PACRG: variants seen among roughly 807,000 people sequenced by gnomAD.
The protein encoded by PACRG is parkin coregulated.
PACRG carries 29 observed loss-of-function variants against 29.7 expected under a neutral mutation model. The observed-to-expected ratio is 0.98, with a 90% CI of 0.73 to 1.33. PACRG has a LOEUF of 1.33. Ranked by LOEUF, PACRG falls within the 40% of genes most tolerant of loss-of-function variation. The pLI is 0.00. For missense variants in PACRG, 279 were observed against 316.2 expected, an observed-to-expected ratio of 0.88 and a Z score of 0.89; for synonymous variants, 116 against 118.7, an observed-to-expected ratio of 0.98 and a Z score of 0.15.
chr6:162,875,790 G>T (rs1316785912), intron 2 of PACRG, among the ~76,000 whole-genome samples: 1 of 152,158 alleles, frequency 6.6e-6, no homozygotes, highest in Non-Finnish European at 1.5e-5. Context: ...CAAGTTTTAT[G>T]TTTAAATAGT....
intron 4 of PACRG, among the ~76,000 whole-genome samples, chr6:163,309,730 G>A (rs867690880): frequency 6.6e-5 from 10 of 152,178 alleles, no homozygotes; most frequent in African/African-American, 2.2e-4. Flanking sequence ...GGCATCTCAG[G>A]CAGGAGAGCG....
chr6:162,951,547 G>A (rs1473721081), intron 2 of PACRG, among the ~76,000 whole-genome samples: 2 of 152,142 alleles, frequency 1.3e-5, no homozygotes, highest in Non-Finnish European at 2.9e-5. Context: ...AGAAAGGGAG[G>A]TCCTGTGATA....
At chr6:163,116,209 G>A (rs529524812) in intron 4 of PACRG, among the ~76,000 whole-genome samples, 3 of 152,294 alleles carry the variant, frequency 2.0e-5, no homozygotes, top group East Asian at 3.9e-4. Context: ...ACTTACAATC[G>A]TGGCAAAAGG....
intron 2 of PACRG, among the ~76,000 whole-genome samples, chr6:163,026,346 C>CA (rs1388727909): frequency 4.6e-5 from 7 of 151,828 alleles, no homozygotes; most frequent in Admixed American, 4.6e-4. Flanking sequence ...TTATGTTTTC[C>CA]CAAAAATTAT....
At chr6:163,150,639 T>C (rs1778043710) in intron 4 of PACRG, among the ~76,000 whole-genome samples, 1 of 152,180 alleles carries the variant, frequency 6.6e-6, no homozygotes, top group South Asian at 2.1e-4. Context: ...GGAAAACCCG[T>C]GGAATTATTT....
At chr6:162,770,981 C>T (rs965272061) in intron 1 of PACRG, among the ~76,000 whole-genome samples, 6 of 152,038 alleles carry the variant, frequency 3.9e-5, no homozygotes, top group Admixed American at 3.3e-4. Flanking sequence ...GGGACAATCC[C>T]TACCATAAAG....
At chr6:162,837,184 A>G (rs538129478) in intron 2 of PACRG, among the ~76,000 whole-genome samples, 2 of 152,274 alleles carry the variant, frequency 1.3e-5, no homozygotes, top group South Asian at 2.1e-4. Context: ...TCCTGCGTAG[A>G]TAGTGGGGGA....
intron 4 of PACRG, among the ~76,000 whole-genome samples, chr6:163,259,253 A>C (rs1333344496): frequency 6.6e-6 from 1 of 152,234 alleles, no homozygotes; most frequent in Non-Finnish European, 1.5e-5. Context: ...AAGCATGAGA[A>C]GACATGATGT....
At chr6:163,064,366 G>A (rs1026675166) in intron 3 of PACRG, among the ~76,000 whole-genome samples, 8 of 152,162 alleles carry the variant, frequency 5.3e-5, no homozygotes, top group East Asian at 1.9e-4. Context: ...GTCATCTGCC[G>A]ATGAGCGAAA....
At chr6:163,189,178 G>T (rs1780089116) in intron 4 of PACRG, among the ~76,000 whole-genome samples, 1 of 152,222 alleles carries the variant, frequency 6.6e-6, no homozygotes, top group Admixed American at 6.5e-5. Context: ...GGCATCATCT[G>T]TACTGCTAAG....
chr6:162,984,318 A>G (rs1321044565), intron 2 of PACRG, among the ~76,000 whole-genome samples: 1 of 151,972 alleles, frequency 6.6e-6, no homozygotes, highest in Non-Finnish European at 1.5e-5. Context: ...ATAGTCTCCA[A>G]TTCCATCCAG....
At chr6:162,995,571 G>A (rs537841372) in intron 2 of PACRG, among the ~76,000 whole-genome samples, 6 of 152,318 alleles carry the variant, frequency 3.9e-5, no homozygotes, top group South Asian at 2.1e-4. Flanking sequence ...CGCTTCCCAC[G>A]TGAGGCAATG....
chr6:162,799,200 A>G, intron 1 of PACRG, among the ~76,000 whole-genome samples: 1 of 152,190 alleles, frequency 6.6e-6, no homozygotes, highest in East Asian at 1.9e-4. Flanking sequence ...TGGCTCAGGG[A>G]AAAAAATGCA....
chr6:163,066,975 A>C (rs1406755055), intron 3 of PACRG, among the ~76,000 whole-genome samples: 1 of 152,236 alleles, frequency 6.6e-6, no homozygotes, highest in Non-Finnish European at 1.5e-5. Context: ...GCAAACTATG[A>C]CATCATATTT....
chr6:162,886,683 G>C (rs532106348), intron 2 of PACRG, among the ~76,000 whole-genome samples: 1 of 152,280 alleles, frequency 6.6e-6, no homozygotes, highest in East Asian at 1.9e-4. Flanking sequence ...TTATGTCACA[G>C]AGATGAAATT....
chr6:163,306,515 T>C (rs1785203002), intron 4 of PACRG, among the ~76,000 whole-genome samples: 1 of 152,168 alleles, frequency 6.6e-6, no homozygotes, highest in South Asian at 2.1e-4. Context: ...TCATTGTCAA[T>C]TGGTATGTAA....
At chr6:163,008,729 C>T (rs1408706) in intron 2 of PACRG, among the ~76,000 whole-genome samples, 39,645 of 148,938 alleles carry the variant, frequency 0.27, 8,439 homozygotes, top group African/African-American at 0.59. Context: ...TGAAGGCTCT[C>T]AAGTTCTGAC....
intron 4 of PACRG, among the ~76,000 whole-genome samples, chr6:163,223,165 G>T (rs1280362928): frequency 6.6e-6 from 1 of 152,148 alleles, no homozygotes; most frequent in Non-Finnish European, 1.5e-5. Context: ...GGGCCGAGGC[G>T]GGTGAATCAC....
intron 4 of PACRG, among the ~76,000 whole-genome samples, chr6:163,234,105 G>T (rs12200478): frequency 0.42 from 63,053 of 151,904 alleles, 14,087 homozygotes; most frequent in African/African-American, 0.58. Context: ...GTGACACAGA[G>T]CAGGGACAGA....
Sources: gnomAD v4.1 joint callset for allele counts (sites outside exome capture counted in the v4.1 genomes callset) on GRCh38, gnomAD v4.1.1 for gene constraint, MANE v1.5 for transcripts, NCBI Gene and HGNC (gene_info 2026-07-23, HGNC 2026-07-21) for gene names.